Variants in POC1A observed in about 807,000 individuals in gnomAD.
The protein encoded by POC1A is POC1 centriolar protein A.
Under a neutral mutation model 47.8 loss-of-function variants are expected in POC1A, and 34 were observed. That is an observed-to-expected ratio of 0.71 (90% CI 0.54 to 0.95). The LOEUF is 0.95. Among genes scored for constraint, POC1A ranks in the 40% least tolerant of loss-of-function variants. The pLI is 0.00. For missense variants in POC1A, 466 were observed against 528.3 expected (o/e 0.88, Z 1.16); for synonymous variants, 177 against 207.6 (o/e 0.85, Z 1.27).
chr3:52,116,740 AC>A (rs1164286387), intron 9 of POC1A, among the ~76,000 whole-genome samples: 4 of 152,166 alleles, frequency 2.6e-5, no homozygotes, highest in Admixed American at 2.6e-4. Flanking sequence ...GGGGAAAAGA[AC>A]CCTTTTTAAA....
intron 1 of POC1A, 90 bp from the exon 2 acceptor site, chr3:52,151,190 T>A: frequency 6.3e-7 from 1 of 1,577,792 alleles, no homozygotes. Flanking sequence ...GCCGGGGGAG[T>A]AGGGTTAAAA....
intron 6 of POC1A, among the ~76,000 whole-genome samples, chr3:52,142,674 G>C (rs1698235661): frequency 6.6e-6 from 1 of 152,216 alleles, no homozygotes; most frequent in African/African-American, 2.4e-5. Context: ...GTCACTAGGG[G>C]AGACACTGCA....
intron 10 of POC1A, among the ~76,000 whole-genome samples, chr3:52,085,882 G>A (rs575775987): frequency 1.3e-5 from 2 of 152,296 alleles, no homozygotes; most frequent in African/African-American, 4.8e-5. Flanking sequence ...ATGCACTATG[G>A]GGAACATGAC....
At chr3:52,134,800 CAA>C (rs570817861) in intron 7 of POC1A, among the ~76,000 whole-genome samples, 1,533 of 110,388 alleles carry the variant, frequency 0.014, 21 homozygotes, top group African/African-American at 0.041. Flanking sequence ...CACCTGGACT[CAA>C]AAAAAAAAAA....
chr3:52,146,942 C>G, intron 5 of POC1A, 46 bp downstream of exon 5: 1 of 1,502,222 alleles, frequency 6.7e-7, no homozygotes, highest in African/African-American at 1.4e-5. Flanking sequence ...GGTCTGTGCT[C>G]TGTGCTTGAG....
At chr3:52,127,591 C>T (rs1372392223) in intron 7 of POC1A, among the ~76,000 whole-genome samples, 1 of 151,742 alleles carries the variant, frequency 6.6e-6, no homozygotes, top group Non-Finnish European at 1.5e-5. Flanking sequence ...GATGGGGTTT[C>T]ACTGTGTTAG....
chr3:52,124,787 T>C (rs1703933159), intron 8 of POC1A, among the ~76,000 whole-genome samples: 2 of 152,340 alleles, frequency 1.3e-5, no homozygotes, highest in South Asian at 4.1e-4. Flanking sequence ...TCATTATCTA[T>C]TTATTTGGAA....
In POC1A at chr3:52,090,278, G is replaced by A. The variant is rs902189976; in HGVS notation, c.1125+6291C>T. ...CACTGGGTGCCATAAAAAAACAGTT[G>A]GAGCAGGAATTTCATGGCTCGGTAT... is the stretch of plus-strand genomic sequence containing the variant. On this transcript the variant is annotated intron_variant, in intron 10 of 10. Transcript: ENST00000296484. The surrounding 1 kb of genome is among the most constrained non-coding windows in gnomAD (Gnocchi z 4.2). Among the ~76,000 whole-genome samples the A allele has an allele frequency of 6.6e-6, 1 of 152,204 alleles. No homozygotes were observed. The highest frequency in any genetic ancestry group is 2.4e-5 in the African/African-American group (1 of 41,434).
At chr3:52,100,058 G>C (rs1249869365) in intron 9 of POC1A, among the ~76,000 whole-genome samples, 1 of 152,098 alleles carries the variant, frequency 6.6e-6, no homozygotes, top group Admixed American at 6.5e-5. Context: ...TGCCACCCTG[G>C]GGTGGGACTC....
intron 10 of POC1A, among the ~76,000 whole-genome samples, chr3:52,086,211 T>G (rs1165041527): frequency 3.3e-5 from 5 of 152,110 alleles, no homozygotes; most frequent in African/African-American, 7.2e-5. Context: ...GCTCTGAGTC[T>G]CAGGGAGAGG....
At chr3:52,104,032 T>G (rs1330820328) in intron 9 of POC1A, among the ~76,000 whole-genome samples, 2 of 152,200 alleles carry the variant, frequency 1.3e-5, no homozygotes, top group Non-Finnish European at 2.9e-5. Flanking sequence ...TAGAAAAATA[T>G]GTACATGAAC....
intron 7 of POC1A, among the ~76,000 whole-genome samples, chr3:52,126,490 A>C (rs1219008391): frequency 6.6e-6 from 1 of 152,152 alleles, no homozygotes; most frequent in Non-Finnish European, 1.5e-5. Context: ...AGCAAGTACA[A>C]CACTGGTGAA....
chr3:52,076,685 G>A (rs1393371704), intron 10 of POC1A, among the ~76,000 whole-genome samples: 1 of 152,256 alleles, frequency 6.6e-6, no homozygotes, highest in African/African-American at 2.4e-5. Context: ...CAAGCTCATG[G>A]CCTAGGTAAC....
chr3:52,136,946 T>G (rs1415744682), intron 7 of POC1A, among the ~76,000 whole-genome samples: 1 of 152,238 alleles, frequency 6.6e-6, no homozygotes, highest in African/African-American at 2.4e-5. Flanking sequence ...TTGTTTTTTT[T>G]AGGGGAGCAG....
chr3:52,138,438 G>C, intron 6 of POC1A, 136 bp from the exon 7 acceptor site: 1 of 855,642 alleles, frequency 1.2e-6, no homozygotes, highest in Non-Finnish European at 1.8e-6. Context: ...TTGCTCAGAA[G>C]AGCTGTGGGG....
At chr3:52,106,549 G>A (rs182142733) in intron 9 of POC1A, among the ~76,000 whole-genome samples, 2 of 152,300 alleles carry the variant, frequency 1.3e-5, no homozygotes, top group East Asian at 1.9e-4. Flanking sequence ...AAGGGGTTGA[G>A]GGGTAGGTCT....
At position 52,084,361 on chromosome 3, in the gene POC1A, T is replaced by A. The variant is rs895406441; in HGVS notation, c.1126-8376A>T. On this transcript the variant is annotated intron_variant, in intron 10 of 10. Coordinates refer to ENST00000296484, the MANE Select transcript of POC1A (RefSeq NM_015426.5). The surrounding 1 kb of genome is among the most constrained non-coding windows in gnomAD (Gnocchi z 4.3). ...GCAGGGAAGCTGGAGCCGTAACTTCTCCAAAACTGAGGAGTTGTGGGACAC... is the reference window on the plus strand; with the variant it reads ...GCAGGGAAGCTGGAGCCGTAACTTCACCAAAACTGAGGAGTTGTGGGACAC... 7.2e-5 allele frequency among the ~76,000 whole-genome samples: 11 copies of A among 152,274 alleles called. No homozygotes were observed. Among genetic ancestry groups the A allele is most frequent in the African/African-American group, 2.4e-4 (10 of 41,552 alleles).
intron 10 of POC1A, among the ~76,000 whole-genome samples, chr3:52,080,084 C>T (rs1702234916): frequency 6.6e-6 from 1 of 152,186 alleles, no homozygotes; most frequent in Non-Finnish European, 1.5e-5. Flanking sequence ...GTGCCAAAAA[C>T]TTCAACAAAC....
intron 4 of POC1A, among the ~76,000 whole-genome samples, chr3:52,148,603 C>A (rs1423018442): frequency 6.6e-6 from 1 of 152,252 alleles, no homozygotes; most frequent in Non-Finnish European, 1.5e-5. Flanking sequence ...GGCTCCCTGG[C>A]CAGCAGGAAG....
Sources: allele counts gnomAD v4.1 joint callset (sites outside exome capture counted in the v4.1 genomes callset), GRCh38; gene constraint gnomAD v4.1.1; non-coding constraint Gnocchi (gnomAD v3.1); transcripts MANE v1.5; gene names NCBI Gene and HGNC (gene_info 2026-07-23, HGNC 2026-07-21).